CAMTA1: variants seen among roughly 807,000 people sequenced by gnomAD.
CAMTA1 encodes calmodulin binding transcription activator 1.
A neutral mutation model predicts 170.9 loss-of-function variants in CAMTA1; 27 were observed. The observed-to-expected ratio is 0.16, with a 90% CI of 0.12 to 0.22. The LOEUF (loss-of-function observed/expected upper bound fraction) is 0.22. CAMTA1 is among the 10% of genes least tolerant of loss of function. The pLI is 1.00. For missense variants in CAMTA1, 1,619 were observed against 2,217.2 expected, an observed-to-expected ratio of 0.73 and a Z score of 5.42; for synonymous variants, 833 against 891.5, an observed-to-expected ratio of 0.93 and a Z score of 1.17.
At chr1:7,068,062 C>G (rs1409416478) in intron 3 of CAMTA1, among the ~76,000 whole-genome samples, 2 of 152,232 alleles carry the variant, frequency 1.3e-5, no homozygotes, top group African/African-American at 2.4e-5. Context: ...CAGCTGACAT[C>G]AACCCTACCT....
intron 4 of CAMTA1, among the ~76,000 whole-genome samples, chr1:7,236,785 G>A (rs145695435): frequency 1.3e-5 from 2 of 152,326 alleles, no homozygotes; most frequent in East Asian, 1.9e-4. Context: ...TCCAGGCCAC[G>A]TACCTCTAAT....
At chr1:6,867,414 G>C (rs1666967165) in intron 3 of CAMTA1, among the ~76,000 whole-genome samples, 1 of 152,142 alleles carries the variant, frequency 6.6e-6, no homozygotes, top group Non-Finnish European at 1.5e-5. Context: ...TTGAGAAACA[G>C]ATTCTCTGAA....
chr1:7,694,709 C>G (rs2096356181), intron 11 of CAMTA1: 1 of 152,580 alleles, frequency 6.6e-6, no homozygotes, highest in Admixed American at 6.5e-5. Context: ...TCTCTGCTGT[C>G]TCCCTCTCCT....
intron 6 of CAMTA1, among the ~76,000 whole-genome samples, chr1:7,583,522 C>T (rs923072330): frequency 1.3e-5 from 2 of 152,120 alleles, no homozygotes; most frequent in African/African-American, 4.8e-5. Flanking sequence ...TAGATGTGAG[C>T]AGGCAGAGGC....
At position 7,456,211 on chromosome 1, in the gene CAMTA1, A is replaced by C. The variant is rs1364652393; in HGVS notation, c.439-11619A>C. Among the ~76,000 whole-genome samples the C allele has an allele frequency of 7.2e-6, 1 of 138,484 alleles. No homozygotes were observed. Among genetic ancestry groups the C allele is most frequent in the Non-Finnish European group, 1.6e-5 (1 of 64,004 alleles). The allele number at this position is 138,484 out of a possible 152,430, so 90.9% of individuals were successfully genotyped here. The stretch of plus-strand genomic sequence containing the variant: ...GAGGAAAAATGGGAGGGAGGGAGGA[A>C]GAATGGGAGAGAGGGAGGGAGAGAA... On this transcript the variant is annotated intron_variant, in intron 5 of 22. Transcript: ENST00000303635. The surrounding 1 kb of genome is among the most constrained non-coding windows in gnomAD (Gnocchi z 4.9).
chr1:7,031,684 C>T (rs1294736389), intron 3 of CAMTA1, among the ~76,000 whole-genome samples: 2 of 152,188 alleles, frequency 1.3e-5, no homozygotes, highest in East Asian at 1.9e-4. Context: ...GGACTACAGG[C>T]GCGTGCCACC....
chr1:7,478,895 G>A (rs1177652515), intron 6 of CAMTA1, among the ~76,000 whole-genome samples: 1 of 152,172 alleles, frequency 6.6e-6, no homozygotes, highest in African/African-American at 2.4e-5. Context: ...TGGAGCAAAG[G>A]GGAGACTGTA....
At chr1:7,119,411 C>T (rs1644516298) in intron 4 of CAMTA1, among the ~76,000 whole-genome samples, 1 of 152,160 alleles carries the variant, frequency 6.6e-6, no homozygotes, top group Non-Finnish European at 1.5e-5. Flanking sequence ...CCATACCCCT[C>T]CTCTTGCCGA....
intron 1 of CAMTA1, among the ~76,000 whole-genome samples, chr1:6,793,046 TTA>T (rs368278840): frequency 2.0e-5 from 3 of 150,812 alleles, no homozygotes; most frequent in Admixed American, 1.3e-4. Context: ...TACCCCACTC[TTA>T]TATATATATA....
At position 7,547,607 on chromosome 1, in the gene CAMTA1, A is replaced by T. The variant is rs1455337828; in HGVS notation, c.510+79706A>T. ...GATTTAAATCAAGCTTGTCCAACCC[A>T]TGGCTTGTGGGCTGCCTGTGGCCCA... is the stretch of plus-strand genomic sequence containing the variant. On this transcript the variant is annotated intron_variant, in intron 6 of 22. Coordinates refer to ENST00000303635, the MANE Select transcript of CAMTA1 (RefSeq NM_015215.4). This position sits in a 1 kb window ranked among gnomAD's most constrained non-coding sequence, Gnocchi z 5.7. 6.6e-6 allele frequency among the ~76,000 whole-genome samples: 1 copy of T among 152,136 alleles called. No individual in the cohort carries two copies. The highest frequency in any genetic ancestry group is 1.5e-5 in the Non-Finnish European group (1 of 68,014).
intron 4 of CAMTA1, among the ~76,000 whole-genome samples, chr1:7,104,804 A>G (rs557270930): frequency 1.3e-5 from 2 of 152,228 alleles, no homozygotes; most frequent in Non-Finnish European, 2.9e-5. Context: ...ATGTGAGAAA[A>G]CTGTTATTGA....
At chr1:7,651,115 G>C (rs1023880912) in intron 7 of CAMTA1, among the ~76,000 whole-genome samples, 4 of 152,194 alleles carry the variant, frequency 2.6e-5, no homozygotes, top group African/African-American at 9.7e-5. Flanking sequence ...GCCTATACCA[G>C]CACCTGGACA....
In CAMTA1 at chr1:7,224,898, G is replaced by T. The variant is rs1392314723; in HGVS notation, c.303-24593G>T. ...GGGCTGCTGCCCTGATGAGTCTCGGGTCACATGAGCTGCATCCTTATTGCC... is the reference window on the plus strand; with the variant it reads ...GGGCTGCTGCCCTGATGAGTCTCGGTTCACATGAGCTGCATCCTTATTGCC... On this transcript the variant is annotated intron_variant, in intron 4 of 22. Transcript: ENST00000303635. The surrounding 1 kb of genome is among the most constrained non-coding windows in gnomAD (Gnocchi z 5.2). Among the ~76,000 whole-genome samples, 1 of 152,208 alleles carries T rather than the reference G, an allele frequency of 6.6e-6. No homozygotes were observed.
At chr1:6,870,101 G>A (rs1321585745) in intron 3 of CAMTA1, among the ~76,000 whole-genome samples, 1 of 151,972 alleles carries the variant, frequency 6.6e-6, no homozygotes, top group Non-Finnish European at 1.5e-5. Flanking sequence ...AATATTTTTG[G>A]GAAACAGAAC....
chr1:7,684,392 C>T (rs1423682789), intron 11 of CAMTA1, among the ~76,000 whole-genome samples: 1 of 152,214 alleles, frequency 6.6e-6, no homozygotes, highest in Admixed American at 6.5e-5. Flanking sequence ...GACAAATGCC[C>T]ACCAACTGGC....
At chr1:7,366,141 G>A (rs939090732) in intron 5 of CAMTA1, among the ~76,000 whole-genome samples, 6 of 152,322 alleles carry the variant, frequency 3.9e-5, no homozygotes, top group Non-Finnish European at 8.8e-5. Context: ...AATGGATGGT[G>A]GAATTCACCA....
intron 5 of CAMTA1, among the ~76,000 whole-genome samples, chr1:7,436,466 C>T (rs1028568337): frequency 6.6e-6 from 1 of 152,206 alleles, no homozygotes; most frequent in African/African-American, 2.4e-5. Context: ...CTCCCAGCTT[C>T]CTGCAGCATC....
intron 3 of CAMTA1, among the ~76,000 whole-genome samples, chr1:6,832,861 T>C (rs1355479670): frequency 6.6e-6 from 1 of 152,222 alleles, no homozygotes; most frequent in South Asian, 2.1e-4. Flanking sequence ...ACACAGTATA[T>C]AGTACGAAGT....
chr1:7,483,877 C>G (rs10746472), intron 6 of CAMTA1, among the ~76,000 whole-genome samples: 1 of 151,886 alleles, frequency 6.6e-6, no homozygotes. Context: ...ACCTGGCTCC[C>G]GTGAGCAGCC....
Sources: allele counts gnomAD v4.1 joint callset (sites outside exome capture counted in the v4.1 genomes callset), GRCh38; gene constraint gnomAD v4.1.1; non-coding constraint Gnocchi (gnomAD v3.1); transcripts MANE v1.5; gene names NCBI Gene and HGNC (gene_info 2026-07-23, HGNC 2026-07-21).